USO1: variants seen among roughly 807,000 people sequenced by gnomAD.
USO1 encodes the protein general vesicular transport factor p115.
USO1 carries 57 observed loss-of-function variants against 124.5 expected under a neutral mutation model. That is an observed-to-expected ratio of 0.46 (90% CI 0.37 to 0.57). The LOEUF (loss-of-function observed/expected upper bound fraction) is 0.57. Among genes scored for constraint, USO1 ranks in the 20% least tolerant of loss-of-function variants. The probability of loss-of-function intolerance (pLI) is 0.00; values close to 1 mark genes in which losing one functional copy is unlikely to be tolerated. For missense variants in USO1, 900 were observed against 1,040.6 expected (o/e 0.86, Z 1.86); for synonymous variants, 369 against 362.8 (o/e 1.02, Z -0.19).
chr4:75,747,931 G>A (rs1577933903), intron 1 of USO1, among the ~76,000 whole-genome samples: 1 of 97,926 alleles, frequency 1.0e-5, no homozygotes, highest in African/African-American at 4.0e-5. Context: ...TTTTGAGACA[G>A]AGTTTCACTC....
chr4:75,806,141 G>A (rs888531517), intron 19 of USO1, among the ~76,000 whole-genome samples: 7 of 152,062 alleles, frequency 4.6e-5, no homozygotes, highest in South Asian at 2.1e-4. Flanking sequence ...ATAGGTGCAC[G>A]CTGCCACGTC....
intron 1 of USO1, among the ~76,000 whole-genome samples, chr4:75,750,632 G>A (rs1216767994): frequency 7.9e-5 from 12 of 151,776 alleles, no homozygotes; most frequent in East Asian, 1.9e-4. Flanking sequence ...CTATAGGTGC[G>A]CACCACCTCA....
intron 1 of USO1, among the ~76,000 whole-genome samples, chr4:75,742,371 G>A (rs1311068221): frequency 1.3e-5 from 2 of 152,244 alleles, no homozygotes; most frequent in Non-Finnish European, 2.9e-5. Flanking sequence ...ATCATCATAT[G>A]GGACGTCTGT....
intron 20 of USO1, 48 bp downstream of exon 20, chr4:75,806,620 A>G (rs1723004541): frequency 6.5e-7 from 1 of 1,540,874 alleles, no homozygotes. Flanking sequence ...TTTTAATTAT[A>G]ATAGAATAAC....
intron 13 of USO1, among the ~76,000 whole-genome samples, chr4:75,799,005 G>A (rs1230845369): frequency 6.6e-6 from 1 of 151,990 alleles, no homozygotes; most frequent in African/African-American, 2.4e-5. Context: ...AGCTGTTAAT[G>A]GTTTGGGGGC....
At chr4:75,751,250 C>T (rs1279747501) in intron 1 of USO1, among the ~76,000 whole-genome samples, 1 of 150,546 alleles carries the variant, frequency 6.6e-6, no homozygotes, top group Non-Finnish European at 1.5e-5. Context: ...CTCACTCTGT[C>T]ACTCAGGCTG....
chr4:75,759,603 A>AT (rs1460700788), intron 4 of USO1, among the ~76,000 whole-genome samples: 3 of 147,838 alleles, frequency 2.0e-5, no homozygotes, highest in African/African-American at 7.5e-5. Flanking sequence ...CAAAAAAAAA[A>AT]AGAAAAGAAA....
chr4:75,802,188 T>C (rs950671072), intron 17 of USO1, among the ~76,000 whole-genome samples: 11 of 152,210 alleles, frequency 7.2e-5, no homozygotes, highest in Non-Finnish European at 1.0e-4. Context: ...TTCTAAGCTT[T>C]TCAGTTTAAA....
intron 1 of USO1, among the ~76,000 whole-genome samples, chr4:75,727,096 T>G (rs1285396564): frequency 6.6e-6 from 1 of 152,124 alleles, no homozygotes; most frequent in Non-Finnish European, 1.5e-5. Context: ...CCTGTTTTTG[T>G]TATTATTGGC....
chr4:75,758,422 TAAA>T (rs1412319194), intron 4 of USO1, among the ~76,000 whole-genome samples: 3 of 152,148 alleles, frequency 2.0e-5, no homozygotes, highest in African/African-American at 7.2e-5. Flanking sequence ...AGACAAATAA[TAAA>T]GAAGTATAGA....
At chr4:75,790,315 T>G in intron 11 of USO1, 77 bp downstream of exon 11, 1 of 1,479,204 alleles carries the variant, frequency 6.8e-7, no homozygotes, top group Non-Finnish European at 9.0e-7. Context: ...TATACACATC[T>G]TACTCTTTTT....
intron 9 of USO1, among the ~76,000 whole-genome samples, chr4:75,783,957 T>C (rs895507031): frequency 6.6e-6 from 1 of 152,238 alleles, no homozygotes; most frequent in African/African-American, 2.4e-5. Flanking sequence ...TAATAGTTTT[T>C]TAATGTTTTA....
At chr4:75,737,262 A>G (rs1720819059) in intron 1 of USO1, among the ~76,000 whole-genome samples, 1 of 152,076 alleles carries the variant, frequency 6.6e-6, no homozygotes, top group African/African-American at 2.4e-5. Context: ...GTTTTTGTGA[A>G]GATTAAATGA....
At chr4:75,783,212 T>C (rs1722272006) in intron 9 of USO1, among the ~76,000 whole-genome samples, 1 of 152,218 alleles carries the variant, frequency 6.6e-6, no homozygotes, top group South Asian at 2.1e-4. Context: ...CTTAGGGCTC[T>C]AATAGGATAA....
At chr4:75,786,122 A>G (rs537739275) in intron 9 of USO1, among the ~76,000 whole-genome samples, 8 of 152,306 alleles carry the variant, frequency 5.3e-5, no homozygotes, top group African/African-American at 1.9e-4. Flanking sequence ...TTATTCACCA[A>G]CAATAAAAAG....
Position 75,771,875 on chromosome 4 carries a change from A to T in USO1, c.555+738A>T, listed in dbSNP as rs148843111. Among the ~76,000 whole-genome samples the T allele has an allele frequency of 2.1e-3, 326 of 152,374 alleles. 2 individuals carry two copies. The highest frequency in any genetic ancestry group is 7.6e-3 in the African/African-American group (315 of 41,588). ...TTCTGTAATATTTAAAATAGCAATT[A>T]GAAAAATTAAATTCTGGAGCTAGGA... On this transcript the variant is annotated intron_variant, in intron 7 of 23. Coordinates refer to ENST00000514213, the MANE Select transcript of USO1 (RefSeq NM_003715.4).
At chr4:75,786,393 A>G (rs1336207431) in intron 9 of USO1, among the ~76,000 whole-genome samples, 1 of 152,196 alleles carries the variant, frequency 6.6e-6, no homozygotes, top group African/African-American at 2.4e-5. Flanking sequence ...TTTTGCACAT[A>G]TATATACACA....
At chr4:75,752,107 A>G (rs1721311032) in intron 1 of USO1, among the ~76,000 whole-genome samples, 1 of 152,274 alleles carries the variant, frequency 6.6e-6, no homozygotes, top group South Asian at 2.1e-4. Flanking sequence ...CTCTGATTTT[A>G]CCAATTATTT....
chr4:75,805,192 C>T lies in USO1; in HGVS notation c.2178C>T (p.Gly726=). The T allele has an allele frequency of 1.9e-6, 3 of 1,612,356 alleles. No homozygotes were observed. In the South Asian group the frequency reaches 3.3e-5, roughly 18 times the overall value. ...ACAGTGAGGGGGCTCAGATGAATGG[C>T]ATTCAGCCAGAAGAAATTGGTAGAT... is the stretch of plus-strand genomic sequence containing the variant. ...GSYSEGAQMN[G]IQPEEIGRLR... The change falls in exon 19 of 24, where the codon GGC becomes GGT. Residue 726 remains glycine, a synonymous_variant. Transcript: ENST00000514213.
Sources: gnomAD v4.1 joint callset for allele counts (sites outside exome capture counted in the v4.1 genomes callset) on GRCh38, gnomAD v4.1.1 for gene constraint, MANE v1.5 for transcripts, NCBI Gene and HGNC (gene_info 2026-07-23, HGNC 2026-07-21) for gene names.